REEP6: variants seen among roughly 807,000 people sequenced by gnomAD.
REEP6 encodes receptor accessory protein 6.
REEP6 carries 19 observed loss-of-function variants against 22.4 expected under a neutral mutation model. The ratio of observed to expected loss-of-function variants is 0.85; its 90% CI spans 0.59 to 1.25. The LOEUF is 1.25. REEP6 is among the 50% of genes most tolerant of loss of function. The pLI is 0.00. For synonymous variants in REEP6, 121 were observed against 113.6 expected, an observed-to-expected ratio of 1.06 and a Z score of -0.41; for missense variants, 273 against 251.9, an observed-to-expected ratio of 1.08 and a Z score of -0.57.
intron 1 of REEP6, 141 bp from the exon 2 acceptor site, chr19:1,495,153 A>T: frequency 1.4e-6 from 1 of 728,326 alleles, no homozygotes; most frequent in Non-Finnish European, 2.4e-6. Flanking sequence ...CAGGCACATC[A>T]GGGGCAGTGG....
At chr19:1,493,111 C>CT (rs2084979659) in intron 1 of REEP6, among the ~76,000 whole-genome samples, 1 of 151,434 alleles carries the variant, frequency 6.6e-6, no homozygotes, top group Non-Finnish European at 1.5e-5. Context: ...GTCCCATCTG[C>CT]TGCTAATCTT....
chr19:1,496,258 G>A (rs762097165), intron 3 of REEP6, 27 bp from the exon 4 acceptor site: 27 of 1,585,308 alleles, frequency 1.7e-5, no homozygotes, highest in Admixed American at 6.7e-5. Flanking sequence ...GGGTGGGCCC[G>A]CGTGTAACTC....
Position 1,493,925 on chromosome 19 carries a change from T to A in REEP6, c.116-1369T>A, listed in dbSNP as rs549646333. On this transcript the variant is annotated intron_variant, in intron 1 of 4. Coordinates refer to ENST00000233596, the MANE Select transcript of REEP6 (RefSeq NM_138393.4). ...CAACATGGTGAAACCCCGTCTCTAC[T>A]AAAAATACAAAAATCAGCTGGGCAT... Among the ~76,000 whole-genome samples, 8 of 152,112 alleles carry A rather than the reference T, an allele frequency of 5.3e-5. No individual in the cohort carries two copies. The South Asian group carries it at 1.7e-3, about 32-fold the overall frequency.
chr19:1,495,675 G>A, intron 3 of REEP6, 68 bp downstream of exon 3: 2 of 1,599,412 alleles, frequency 1.3e-6, no homozygotes, highest in Non-Finnish European at 1.7e-6. Flanking sequence ...GAGGCGCTGG[G>A]GCCAGAAAGT....
chr19:1,495,770 T>C (rs2085001587), intron 3 of REEP6, 163 bp downstream of exon 3: 5 of 921,144 alleles, frequency 5.4e-6, no homozygotes, highest in Non-Finnish European at 1.6e-6. Flanking sequence ...GGGCTGATGG[T>C]GGAGGGCCCA....
In REEP6 at chr19:1,497,902, C is replaced by T. The variant is rs2085023815; in HGVS notation, c.*691C>T. On this transcript the variant is annotated 3_prime_UTR_variant, in exon 5 of 5. Transcript: ENST00000233596. The surrounding 1 kb of genome is among the most constrained non-coding windows in gnomAD (Gnocchi z 6.5). ...CTGAAACACCTGGCCTGCTAGGAGG[C>T]TCCAATAAAGCTAACCCGGACCAGA... 1 of 455,166 alleles carries T rather than the reference C, an allele frequency of 2.2e-6. No individual in the cohort carries two copies. The highest frequency in any genetic ancestry group is 4.6e-6 in the Non-Finnish European group (1 of 217,008). The allele number at this position is 455,166 out of a possible 1,614,324, so 28.2% of individuals were successfully genotyped here. A position where few individuals can be genotyped will look rare whatever the true frequency, so the allele number is the denominator to read the frequency against.
In REEP6 at chr19:1,491,212, G is replaced by C; in HGVS notation, c.-58G>C. The C allele has an allele frequency of 8.2e-7, 1 of 1,225,644 alleles. No individual in the cohort carries two copies. 75.9% of individuals were successfully genotyped at this position (1,225,644 alleles called of 1,614,324 possible). On this transcript the variant is annotated 5_prime_UTR_variant, in exon 1 of 5. Transcript: ENST00000233596. The surrounding 1 kb of genome is among the most constrained non-coding windows in gnomAD (Gnocchi z 5.4). ...CGGGAAAGCGGTGCGCGTGCAGCGGGGTGGGTGCCCTGGTCCGCGGGCGAG... is the reference window on the plus strand; with the variant it reads ...CGGGAAAGCGGTGCGCGTGCAGCGGCGTGGGTGCCCTGGTCCGCGGGCGAG...
Position 1,495,847 on chromosome 19 carries a change from C to A in REEP6, c.348+240C>A, listed in dbSNP as rs921438985. The stretch of plus-strand genomic sequence containing the variant: ...ATAGGATGTCCGATGGTGGAGGGCT[C>A]ACCCTACAGGATGTCTGATGGTGGA... On this transcript the variant is annotated intron_variant, in intron 3 of 4. Transcript: ENST00000233596. 10 of 603,786 alleles carry A rather than the reference C, an allele frequency of 1.7e-5. No homozygotes were observed. In the African/African-American group the frequency reaches 1.9e-4, roughly 12 times the overall value. 37.4% of individuals were successfully genotyped at this position (603,786 alleles called of 1,614,324 possible). A position where few individuals can be genotyped will look rare whatever the true frequency, so the allele number is the denominator to read the frequency against.
chr19:1,495,625 G>A lies in REEP6; in HGVS notation c.348+18G>A, dbSNP rs767700615. The A allele has an allele frequency of 4.3e-6, 7 of 1,613,888 alleles. No individual in the cohort carries two copies. The Admixed American group carries it at 5.0e-5, about 12-fold the overall frequency. ...TGGGCAAGGTGGGCCCTGCCAGGGCGGGCACAGCCGTGGAGCGCATGGGGC... is the reference window on the plus strand; with the variant it reads ...TGGGCAAGGTGGGCCCTGCCAGGGCAGGCACAGCCGTGGAGCGCATGGGGC... On this transcript the variant is annotated intron_variant, in intron 3 of 4. Coordinates refer to ENST00000233596, the MANE Select transcript of REEP6 (RefSeq NM_138393.4).
rs1160270159 is a variant in REEP6, at chr19:1,496,305, C to G, written c.369C>G (p.Cys123Trp). The change falls in exon 4 of 5, where the codon TGC becomes TGG. Residue 123 changes from cysteine (C) to tryptophan (W), a missense_variant. Transcript: ENST00000233596. ...YVGKCAFLLF[C>W]MAPRPWNGAL... ...TGCAGTGCGCCTTCCTGTTGTTCTG[C>G]ATGGCTCCCAGGCCCTGGAACGGGG... 1 of 1,610,414 alleles carries G rather than the reference C, an allele frequency of 6.2e-7. No homozygotes were observed. Among genetic ancestry groups the G allele is most frequent in the Non-Finnish European group, 8.5e-7 (1 of 1,178,578 alleles).
chr19:1,496,079 G>C (rs1028506635), intron 3 of REEP6: 23 of 603,044 alleles, frequency 3.8e-5, no homozygotes, highest in Non-Finnish European at 6.0e-5. Context: ...ATGGTGGAGG[G>C]CTCACTCTAG....
intron 2 of REEP6, 32 bp downstream of exon 2, chr19:1,495,419 G>T: frequency 3.1e-6 from 5 of 1,613,774 alleles, no homozygotes; most frequent in Non-Finnish European, 4.2e-6. Context: ...CACGCGGGGG[G>T]TTCTGGGGGC....
rs768293667 is a variant in REEP6, at chr19:1,497,196, G to A, written c.540G>A (p.Gln180=). The change falls in exon 5 of 5, where the codon CAG becomes CAA. Residue 180 remains glutamine, a synonymous_variant. Coordinates refer to ENST00000233596, the MANE Select transcript of REEP6 (RefSeq NM_138393.4). The surrounding 1 kb of genome is among the most constrained non-coding windows in gnomAD (Gnocchi z 6.5). Reference sequence around the variant, plus strand: ...CAGTCAAGCCAAGCCAGACCCCGCAGCCGAAGGACAAGTGAAGCAGCCCCC... The same window carrying A: ...CAGTCAAGCCAAGCCAGACCCCGCAACCGAAGGACAAGTGAAGCAGCCCCC... ...TRNVKPSQTP[Q]PKDK is the part of the protein sequence containing the mutation. 7.7e-7 allele frequency: 1 copy of A among 1,298,704 alleles called. No individual in the cohort carries two copies. Among genetic ancestry groups the A allele is most frequent in the Non-Finnish European group, 1.0e-6 (1 of 996,468 alleles). 80.4% of individuals were successfully genotyped at this position (1,298,704 alleles called of 1,614,324 possible).
Position 1,497,892 on chromosome 19 carries a change from T to A in REEP6, c.*681T>A, listed in dbSNP as rs1231217292. The A allele has an allele frequency of 8.7e-6, 4 of 458,182 alleles. No individual in the cohort carries two copies. Among genetic ancestry groups the A allele is most frequent in the Non-Finnish European group, 1.8e-5 (4 of 218,756 alleles). 28.4% of individuals were successfully genotyped at this position (458,182 alleles called of 1,614,324 possible). The stretch of plus-strand genomic sequence containing the variant: ...CTACTGGTGCCTGAAACACCTGGCC[T>A]GCTAGGAGGCTCCAATAAAGCTAAC... On this transcript the variant is annotated 3_prime_UTR_variant, in exon 5 of 5. Coordinates refer to ENST00000233596, the MANE Select transcript of REEP6 (RefSeq NM_138393.4). This position sits in a 1 kb window ranked among gnomAD's most constrained non-coding sequence, Gnocchi z 6.5.
rs755922130 is a variant in REEP6 at position 1,497,534 on chromosome 19, T to C, written c.*323T>C. On this transcript the variant is annotated 3_prime_UTR_variant, in exon 5 of 5. Transcript: ENST00000233596. This position sits in a 1 kb window ranked among gnomAD's most constrained non-coding sequence, Gnocchi z 6.5. ...CTCGGCAACACACCCAGCCGCCTGGTACTTCCTCCAGCCCCTCCCAGTCAG... is the reference window on the plus strand; with the variant it reads ...CTCGGCAACACACCCAGCCGCCTGGCACTTCCTCCAGCCCCTCCCAGTCAG... 2 of 634,670 alleles carry C rather than the reference T, an allele frequency of 3.2e-6. No homozygotes were observed. Among genetic ancestry groups the C allele is most frequent in the South Asian group, 3.0e-5 (2 of 66,018 alleles). 39.3% of individuals were successfully genotyped at this position (634,670 alleles called of 1,614,324 possible). A position where few individuals can be genotyped will look rare whatever the true frequency, so the allele number is the denominator to read the frequency against.
rs905689954 is a variant in REEP6, at chr19:1,497,819, C to G, written c.*608C>G. The G allele has an allele frequency of 4.3e-6, 2 of 470,554 alleles. No individual in the cohort carries two copies. Among genetic ancestry groups the G allele is most frequent in the Non-Finnish European group, 4.4e-6 (1 of 227,004 alleles). The allele number at this position is 470,554 out of a possible 1,614,324, so 29.1% of individuals were successfully genotyped here. A position where few individuals can be genotyped will look rare whatever the true frequency, so the allele number is the denominator to read the frequency against. ...TGGAGTACACTTCGGAGTCCACCAC[C>G]GAGATCACCTGCAGCTGGCCACACC... On this transcript the variant is annotated 3_prime_UTR_variant, in exon 5 of 5. Coordinates refer to ENST00000233596, the MANE Select transcript of REEP6 (RefSeq NM_138393.4). The surrounding 1 kb of genome is among the most constrained non-coding windows in gnomAD (Gnocchi z 6.5).
At chr19:1,492,714 A>T (rs2084975135) in intron 1 of REEP6, among the ~76,000 whole-genome samples, 1 of 150,892 alleles carries the variant, frequency 6.6e-6, no homozygotes, top group African/African-American at 2.5e-5. Flanking sequence ...CACCTTCTGC[A>T]GGTGGATCCC....
chr19:1,497,567 G>C lies in REEP6; in HGVS notation c.*356G>C. ...CCAGCCCCTCCCAGTCAGCCCTCCC[G>C]TCCTCGGGGCCCCTGCAGCCACCCA... On this transcript the variant is annotated 3_prime_UTR_variant, in exon 5 of 5. Transcript: ENST00000233596. The surrounding 1 kb of genome is among the most constrained non-coding windows in gnomAD (Gnocchi z 6.5). 1 of 570,358 alleles carries C rather than the reference G, an allele frequency of 1.8e-6. No individual in the cohort carries two copies. Among genetic ancestry groups the C allele is most frequent in the Non-Finnish European group, 3.4e-6 (1 of 290,970 alleles). 35.3% of individuals were successfully genotyped at this position (570,358 alleles called of 1,614,324 possible).
chr19:1,491,265 G>T lies in REEP6; in HGVS notation c.-5G>T, dbSNP rs1220549935. 22 of 1,464,526 alleles carry T rather than the reference G, an allele frequency of 1.5e-5. No homozygotes were observed. The highest frequency in any genetic ancestry group is 2.0e-5 in the Non-Finnish European group (22 of 1,106,146). 90.7% of individuals were successfully genotyped at this position (1,464,526 alleles called of 1,614,324 possible). A position where few individuals can be genotyped will look rare whatever the true frequency, so the allele number is the denominator to read the frequency against. The stretch of plus-strand genomic sequence containing the variant: ...CGAGCAGCCAACCCCGGGCGCGTCG[G>T]GGCCATGGACGGCCTGAGGCAGCGC... On this transcript the variant is annotated 5_prime_UTR_variant, in exon 1 of 5. Transcript: ENST00000233596. This position sits in a 1 kb window ranked among gnomAD's most constrained non-coding sequence, Gnocchi z 5.4.
Sources: gnomAD v4.1 joint callset for allele counts (sites outside exome capture counted in the v4.1 genomes callset) on GRCh38, gnomAD v4.1.1 for gene constraint, Gnocchi (gnomAD v3.1) non-coding constraint, MANE v1.5 for transcripts, NCBI Gene and HGNC (gene_info 2026-07-23, HGNC 2026-07-21) for gene names.